Variants in ROBO1 observed in about 807,000 individuals in gnomAD.
The protein encoded by ROBO1 is roundabout guidance receptor 1, also known as roundabout homolog 1.
A neutral mutation model predicts 195.9 loss-of-function variants in ROBO1; 149 were observed. The observed-to-expected ratio is 0.76, with a 90% CI of 0.67 to 0.87. The LOEUF (loss-of-function observed/expected upper bound fraction) is 0.87. Among genes scored for constraint, ROBO1 ranks in the 40% least tolerant of loss-of-function variants. The pLI is 0.00. For synonymous variants in ROBO1, 816 were observed against 733.2 expected (o/e 1.11, Z -1.82); for missense variants, 1,933 against 2,068.3 (o/e 0.93, Z 1.27).
intron 2 of ROBO1, among the ~76,000 whole-genome samples, chr3:79,267,689 C>A (rs938037028): frequency 2.0e-5 from 3 of 151,350 alleles, no homozygotes; most frequent in African/African-American, 7.3e-5. Flanking sequence ...TGATGCAAAA[C>A]AACAGACTGA....
At chr3:79,362,665 A>C (rs2035815704) in intron 2 of ROBO1, among the ~76,000 whole-genome samples, 1 of 152,300 alleles carries the variant, frequency 6.6e-6, no homozygotes, top group South Asian at 2.1e-4. Flanking sequence ...TGAGATAATA[A>C]GTCTGTTTGA....
intron 2 of ROBO1, among the ~76,000 whole-genome samples, chr3:79,576,605 T>C (rs948717433): frequency 1.3e-5 from 2 of 152,108 alleles, no homozygotes; most frequent in Non-Finnish European, 2.9e-5. Context: ...GGTAGAAGTA[T>C]GACACTAAAA....
At chr3:79,375,236 G>T (rs1178743059) in intron 2 of ROBO1, among the ~76,000 whole-genome samples, 4 of 152,094 alleles carry the variant, frequency 2.6e-5, no homozygotes, top group Admixed American at 2.0e-4. Context: ...CATACAGATT[G>T]GCAACTCAAT....
chr3:79,748,084 T>C (rs1703953203), intron 1 of ROBO1, among the ~76,000 whole-genome samples: 1 of 152,136 alleles, frequency 6.6e-6, no homozygotes, highest in Non-Finnish European at 1.5e-5. Context: ...TTAAAGTATA[T>C]TGGTACTTCC....
At chr3:79,147,709 CTA>C (rs2108629705) in intron 2 of ROBO1, among the ~76,000 whole-genome samples, 1 of 152,022 alleles carries the variant, frequency 6.6e-6, no homozygotes, top group South Asian at 2.1e-4. Context: ...GTTAATGACT[CTA>C]TTGATTTCTT....
At chr3:78,777,598 C>T (rs1323487260) in intron 4 of ROBO1, among the ~76,000 whole-genome samples, 1 of 152,166 alleles carries the variant, frequency 6.6e-6, no homozygotes, top group Non-Finnish European at 1.5e-5. Context: ...TGAGCACATA[C>T]CTTATCCTTT....
intron 2 of ROBO1, among the ~76,000 whole-genome samples, chr3:79,349,152 T>C: frequency 6.6e-6 from 1 of 152,166 alleles, no homozygotes; most frequent in Non-Finnish European, 1.5e-5. Flanking sequence ...TCATGAATTA[T>C]GGGTTTAATT....
intron 3 of ROBO1, among the ~76,000 whole-genome samples, chr3:79,104,666 C>G: frequency 6.6e-6 from 1 of 151,664 alleles, no homozygotes; most frequent in Admixed American, 6.6e-5. Flanking sequence ...CTATTCATAT[C>G]ATCCTGAGCA....
At chr3:78,704,114 CA>C (rs970692327) in intron 8 of ROBO1, among the ~76,000 whole-genome samples, 3 of 152,062 alleles carry the variant, frequency 2.0e-5, no homozygotes, top group Non-Finnish European at 4.4e-5. Context: ...GCTGACTCTG[CA>C]AAAAGGTCCC....
intron 4 of ROBO1, among the ~76,000 whole-genome samples, chr3:78,912,096 T>G (rs1305731522): frequency 6.6e-6 from 1 of 152,056 alleles, no homozygotes; most frequent in Non-Finnish European, 1.5e-5. Flanking sequence ...TTACACAGCT[T>G]AAAGAAAAAA....
chr3:79,568,514 T>C (rs190582676), intron 2 of ROBO1, among the ~76,000 whole-genome samples: 158 of 151,944 alleles, frequency 1.0e-3, no homozygotes, highest in African/African-American at 3.5e-3. Context: ...TTGAATTTTT[T>C]TCTTTTTCTC....
chr3:79,743,734 C>A (rs762088630), intron 1 of ROBO1, among the ~76,000 whole-genome samples: 7 of 152,110 alleles, frequency 4.6e-5, no homozygotes. Flanking sequence ...CAATTTTTGA[C>A]ATTTTTTAAA....
At chr3:79,170,708 TA>T (rs2081150530) in intron 2 of ROBO1, among the ~76,000 whole-genome samples, 1 of 152,036 alleles carries the variant, frequency 6.6e-6, no homozygotes, top group Non-Finnish European at 1.5e-5. Flanking sequence ...TTAGACAAGT[TA>T]TTTTTTTTTC....
intron 1 of ROBO1, among the ~76,000 whole-genome samples, chr3:79,610,893 C>T (rs1021399051): frequency 6.6e-6 from 1 of 152,070 alleles, no homozygotes; most frequent in Non-Finnish European, 1.5e-5. Flanking sequence ...AGGAGTCTAT[C>T]AACACTTCTC....
chr3:79,400,623 G>A (rs2037333013), intron 2 of ROBO1, among the ~76,000 whole-genome samples: 1 of 152,056 alleles, frequency 6.6e-6, no homozygotes, highest in Non-Finnish European at 1.5e-5. Context: ...GTATTAGAAT[G>A]TGATATGTCA....
chr3:78,705,622 A>T (rs1443541171), intron 8 of ROBO1, among the ~76,000 whole-genome samples: 2 of 152,174 alleles, frequency 1.3e-5, no homozygotes. Context: ...GACAATGGGC[A>T]ACATGTATTT....
At chr3:79,183,525 T>C (rs1393230462) in intron 2 of ROBO1, among the ~76,000 whole-genome samples, 1 of 152,196 alleles carries the variant, frequency 6.6e-6, no homozygotes, top group Admixed American at 6.5e-5. Context: ...AAAGCCCACA[T>C]GGGTAAGGAA....
At chr3:79,734,923 T>C (rs1029092587) in intron 1 of ROBO1, among the ~76,000 whole-genome samples, 2 of 152,236 alleles carry the variant, frequency 1.3e-5, no homozygotes, top group Non-Finnish European at 2.9e-5. Flanking sequence ...TACCTGGTTA[T>C]TGAAATTGTT....
At chr3:79,293,081 G>C (rs1425514646) in intron 2 of ROBO1, among the ~76,000 whole-genome samples, 1 of 152,050 alleles carries the variant, frequency 6.6e-6, no homozygotes, top group Non-Finnish European at 1.5e-5. Context: ...TCAGGGATTC[G>C]TCTTCTTCCT....
Sources: gnomAD v4.1 joint callset for allele counts (sites outside exome capture counted in the v4.1 genomes callset) on GRCh38, gnomAD v4.1.1 for gene constraint, MANE v1.5 for transcripts, NCBI Gene and HGNC (gene_info 2026-07-23, HGNC 2026-07-21) for gene names.